Variants in DENND2C observed in about 807,000 individuals in gnomAD.
The protein encoded by DENND2C is DENN domain-containing protein 2C.
DENND2C carries 72 observed loss-of-function variants against 112.4 expected under a neutral mutation model. That is an observed-to-expected ratio of 0.64 (90% CI 0.53 to 0.78). The LOEUF is 0.78. Among genes scored for constraint, DENND2C ranks in the 30% least tolerant of loss-of-function variants. DENND2C has a pLI of 0.00. For synonymous variants in DENND2C, 329 were observed against 381.6 expected (o/e 0.86, Z 1.61); for missense variants, 992 against 1,113.8 (o/e 0.89, Z 1.56).
intron 3 of DENND2C, among the ~76,000 whole-genome samples, chr1:114,627,551 C>T (rs1170829796): frequency 6.6e-6 from 1 of 150,442 alleles, no homozygotes; most frequent in African/African-American, 2.4e-5. Context: ...ACCAGCTTTG[C>T]CAGCAAATAA....
intron 8 of DENND2C, among the ~76,000 whole-genome samples, chr1:114,613,926 A>G (rs1655888297): frequency 6.6e-6 from 1 of 152,152 alleles, no homozygotes; most frequent in South Asian, 2.1e-4. Context: ...TAATACCTGA[A>G]AACTGAAAGT....
intron 4 of DENND2C, 152 bp from the exon 5 acceptor site, chr1:114,623,795 G>T: frequency 2.8e-6 from 2 of 705,104 alleles, no homozygotes; most frequent in Non-Finnish European, 4.3e-6. Context: ...GAGTTCAGTG[G>T]CACAGTCTTG....
At chr1:114,646,148 C>T (rs1034749432) in intron 2 of DENND2C, among the ~76,000 whole-genome samples, 1 of 152,068 alleles carries the variant, frequency 6.6e-6, no homozygotes, top group South Asian at 2.1e-4. Flanking sequence ...AGGATGGTCT[C>T]GATCTCCTGA....
At chr1:114,634,351 TGAGACA>T (rs1449059449) in intron 3 of DENND2C, among the ~76,000 whole-genome samples, 1 of 152,222 alleles carries the variant, frequency 6.6e-6, no homozygotes, top group Non-Finnish European at 1.5e-5. Flanking sequence ...TTTATTTTTT[TGAGACA>T]GAGTCTCACT....
intron 11 of DENND2C, among the ~76,000 whole-genome samples, chr1:114,603,836 C>G (rs1655587111): frequency 6.6e-6 from 1 of 152,138 alleles, no homozygotes; most frequent in Non-Finnish European, 1.5e-5. Context: ...TGCACCTGGC[C>G]TAAATCCAAA....
Position 114,583,316 on chromosome 1 carries a change from G to A in DENND2C, c.*2284C>T, listed in dbSNP as rs1019735658. On this transcript the variant is annotated 3_prime_UTR_variant, in exon 21 of 21. Coordinates refer to ENST00000393274, the MANE Select transcript of DENND2C (RefSeq NM_001256404.2). ...CTGAATGGGTTGTAATGACAATACT[G>A]TACAAGTCAATAAACTGTATCACAA... The A allele has an allele frequency of 6.6e-6, 1 of 152,152 alleles. No homozygotes were observed. The highest frequency in any genetic ancestry group is 6.5e-5 in the Admixed American group (1 of 15,270). The allele number at this position is 152,152 out of a possible 1,614,324, so 9.4% of individuals were successfully genotyped here.
At chr1:114,591,671 C>CTTTGT (rs1317959436) in intron 18 of DENND2C, among the ~76,000 whole-genome samples, 1 of 151,892 alleles carries the variant, frequency 6.6e-6, no homozygotes, top group Non-Finnish European at 1.5e-5. Flanking sequence ...CTCTTTGTGC[C>CTTTGT]GTATTTTTAA....
intron 1 of DENND2C, among the ~76,000 whole-genome samples, chr1:114,665,630 T>C (rs937588812): frequency 6.6e-6 from 1 of 152,188 alleles, no homozygotes; most frequent in Non-Finnish European, 1.5e-5. Flanking sequence ...CTATCGAAAA[T>C]TGAGGAGCAT....
intron 3 of DENND2C, among the ~76,000 whole-genome samples, chr1:114,641,376 G>A (rs149130052): frequency 6.6e-6 from 1 of 151,940 alleles, no homozygotes; most frequent in East Asian, 1.9e-4. Flanking sequence ...TTGGATATTT[G>A]TCCCCTCCAA....
chr1:114,612,163 TAACGA>T (rs1655838131), intron 8 of DENND2C, among the ~76,000 whole-genome samples: 1 of 152,136 alleles, frequency 6.6e-6, no homozygotes, highest in Non-Finnish European at 1.5e-5. Flanking sequence ...CCCAAATTCA[TAACGA>T]AATAAATGTA....
In DENND2C at chr1:114,599,924, A is replaced by G. The variant is rs558841966; in HGVS notation, c.2105+280T>C. On this transcript the variant is annotated intron_variant, in intron 15 of 20. Coordinates refer to ENST00000393274, the MANE Select transcript of DENND2C (RefSeq NM_001256404.2). ...TAGGTGGGAATTGAACAATGAGAAC[A>G]CTTGGACACAGGGTAGGGAACATCA... Among the ~76,000 whole-genome samples the G allele has an allele frequency of 5.1e-3, 753 of 147,252 alleles. 4 individuals carry two copies. The highest frequency in any genetic ancestry group is 7.9e-3 in the Non-Finnish European group (531 of 66,916).
intron 4 of DENND2C, among the ~76,000 whole-genome samples, chr1:114,623,924 T>C (rs1656260714): frequency 6.6e-6 from 1 of 152,130 alleles, no homozygotes; most frequent in Admixed American, 6.6e-5. Flanking sequence ...TTAGTAGAGA[T>C]GAGGTTTCAC....
At chr1:114,646,859 G>C (rs1014508113) in intron 2 of DENND2C, among the ~76,000 whole-genome samples, 1 of 151,974 alleles carries the variant, frequency 6.6e-6, no homozygotes, top group Non-Finnish European at 1.5e-5. Context: ...ATTTCACCTA[G>C]GTAAACAGAG....
intron 3 of DENND2C, among the ~76,000 whole-genome samples, chr1:114,635,129 C>G (rs1042582006): frequency 2.0e-5 from 3 of 151,808 alleles, no homozygotes; most frequent in African/African-American, 4.8e-5. Context: ...GTTAGGTGCT[C>G]TACCTTAACA....
At position 114,600,245 on chromosome 1, in the gene DENND2C, G is replaced by T; in HGVS notation, c.2064C>A (p.Leu688=). ...VCHLIRVCAS[L]LLERRVIFVA... is the part of the protein sequence containing the mutation. ...CAAAGATTACCCTACGCTCCAAAAG[G>T]AGAGAGGCACAGACCCGGATGAGAT... Residue 688 remains leucine, a synonymous_variant, in exon 15 of 21, where the codon CTC becomes CTA. Coordinates refer to ENST00000393274, the MANE Select transcript of DENND2C (RefSeq NM_001256404.2). 1 of 1,614,048 alleles carries T rather than the reference G, an allele frequency of 6.2e-7. No homozygotes were observed. The highest frequency in any genetic ancestry group is 8.5e-7 in the Non-Finnish European group (1 of 1,179,976).
intron 8 of DENND2C, among the ~76,000 whole-genome samples, chr1:114,616,204 A>G (rs1364831692): frequency 1.3e-5 from 2 of 152,074 alleles, no homozygotes; most frequent in Non-Finnish European, 2.9e-5. Context: ...AGCCTGGCCA[A>G]TATGGTGAAA....
rs1168958258 is a variant in DENND2C at position 114,586,968 on chromosome 1, G to C, written c.2755+419C>G. On this transcript the variant is annotated intron_variant, in intron 20 of 20. Transcript: ENST00000393274. ...GCTGGAGTGCAATGGTGTGATCTCT[G>C]CTCACCGTAACCTCCATATCCTGGG... 1.8e-5 allele frequency: 3 copies of C among 165,262 alleles called. No homozygotes were observed. The East Asian group carries it at 4.8e-4, about 27-fold the overall frequency. The allele number at this position is 165,262 out of a possible 1,614,324, so 10.2% of individuals were successfully genotyped here.
Position 114,623,495 on chromosome 1 carries a change from G to A in DENND2C, c.943+12C>T, listed in dbSNP as rs1192376555. 3 of 1,597,328 alleles carry A rather than the reference G, an allele frequency of 1.9e-6. No individual in the cohort carries two copies. Among genetic ancestry groups the A allele is most frequent in the Non-Finnish European group, 2.6e-6 (3 of 1,173,198 alleles). ...AATCACTAAATTTAACTGCAAAGTT[G>A]TCAACACCTACATATGATATCTTCA... On this transcript the variant is annotated intron_variant, in intron 5 of 20. Transcript: ENST00000393274.
chr1:114,616,786 T>C (rs137912831), intron 8 of DENND2C, among the ~76,000 whole-genome samples: 193 of 151,800 alleles, frequency 1.3e-3, no homozygotes, highest in African/African-American at 4.5e-3. Context: ...ACCCAGGAGA[T>C]AAAGGTTGCA....
Sources: gnomAD v4.1 joint callset for allele counts (sites outside exome capture counted in the v4.1 genomes callset) on GRCh38, gnomAD v4.1.1 for gene constraint, MANE v1.5 for transcripts, NCBI Gene and HGNC (gene_info 2026-07-23, HGNC 2026-07-21) for gene names.